The following BRAF variants were observed in gnomAD, a reference collection of about 807,000 sequenced individuals.
BRAF encodes serine/threonine-protein kinase B-raf.
A neutral mutation model predicts 104.6 loss-of-function variants in BRAF; 16 were observed. The observed-to-expected ratio is 0.15, with a 90% CI of 0.10 to 0.23. The LOEUF (loss-of-function observed/expected upper bound fraction) is 0.23, where lower values mean the gene tolerates loss of function less well. Ranked by LOEUF, BRAF falls within the 10% of genes least tolerant of loss-of-function variation. The pLI is 1.00. For synonymous variants in BRAF, 310 were observed against 341.6 expected (o/e 0.91, Z 1.02); for missense variants, 541 against 937.3 (o/e 0.58, Z 5.52).
At chr7:140,854,416 G>GA (rs1338258295) in intron 1 of BRAF, among the ~76,000 whole-genome samples, 5 of 151,968 alleles carry the variant, frequency 3.3e-5, no homozygotes. Flanking sequence ...AATAGGGTAG[G>GA]AAAGAAAACA....
In BRAF at chr7:140,924,318, C is replaced by T. The variant is rs538385194; in HGVS notation, c.138+248G>A. Among the ~76,000 whole-genome samples the T allele has an allele frequency of 1.8e-4, 27 of 152,264 alleles. 3 individuals are homozygous for T. The South Asian group carries it at 3.3e-3, about 19-fold the overall frequency. The stretch of plus-strand genomic sequence containing the variant: ...TATTGATAGCCTCCCGCTCAACCAC[C>T]GCTGCCCCAATCCCCACATCTGGGG... On this transcript the variant is annotated intron_variant, in intron 1 of 19. Transcript: ENST00000644969. This position sits in a 1 kb window ranked among gnomAD's most constrained non-coding sequence, Gnocchi z 4.2.
rs1245760632 is a variant in BRAF, at chr7:140,825,498, A to G, written c.504+9111T>C. Among the ~76,000 whole-genome samples, 3 of 152,340 alleles carry G rather than the reference A, an allele frequency of 2.0e-5. No homozygotes were observed. In the East Asian group the frequency reaches 5.8e-4, roughly 29 times the overall value. ...AGAAATCTTTGCCAAACCCCAGGTC[A>G]CAAAAATTTTCTGTAGTGTTTTCTT... is the stretch of plus-strand genomic sequence containing the variant. On this transcript the variant is annotated intron_variant, in intron 3 of 19. Coordinates refer to ENST00000644969, the MANE Select transcript of BRAF (RefSeq NM_001374258.1).
chr7:140,727,449 G>A (rs1006495307), intron 19 of BRAF, among the ~76,000 whole-genome samples: 1 of 152,022 alleles, frequency 6.6e-6, no homozygotes, highest in Non-Finnish European at 1.5e-5. Flanking sequence ...CTCCCAAAGT[G>A]CTGGGATTAC....
chr7:140,908,989 C>CTTTTTTTTTTTTT (rs1224922004), intron 1 of BRAF, among the ~76,000 whole-genome samples: 6 of 120,182 alleles, frequency 5.0e-5, no homozygotes, highest in Non-Finnish European at 5.5e-5. Context: ...TCTACGTTTT[C>CTTTTTTTTTTTTT]TTTTTTTTTT....
chr7:140,732,170 C>CAAAAAAAAAAA (rs61727494), intron 19 of BRAF: 1 of 23,696 alleles, frequency 4.2e-5, no homozygotes, highest in East Asian at 2.8e-3. Flanking sequence ...GACTCTGTCT[C>CAAAAAAAAAAA]AAAAAAAAAA....
intron 3 of BRAF, among the ~76,000 whole-genome samples, chr7:140,825,197 C>T (rs1337350160): frequency 1.3e-5 from 2 of 151,692 alleles, no homozygotes; most frequent in Non-Finnish European, 2.9e-5. Context: ...CTTGAACTCC[C>T]GACCTCATGA....
Position 140,723,360 on chromosome 7 carries a change from A to G in BRAF, c.*3134T>C. ...TTTATATACTGCTCTTTCTTCTCCA[A>G]CACCAACATAAATATAGCATATATC... On this transcript the variant is annotated 3_prime_UTR_variant, in exon 20 of 20. Transcript: ENST00000644969. 9.5e-7 allele frequency: 1 copy of G among 1,055,486 alleles called. No homozygotes were observed. The highest frequency in any genetic ancestry group is 1.1e-6 in the Non-Finnish European group (1 of 873,300). The allele number at this position is 1,055,486 out of a possible 1,614,324, so 65.4% of individuals were successfully genotyped here.
intron 14 of BRAF, among the ~76,000 whole-genome samples, chr7:140,763,355 C>T (rs1189118445): frequency 2.0e-5 from 3 of 147,754 alleles, no homozygotes; most frequent in South Asian, 4.3e-4. Context: ...CCACCTCCCT[C>T]CCGGACGGGG....
intron 7 of BRAF, among the ~76,000 whole-genome samples, chr7:140,798,695 C>T (rs1802762556): frequency 6.6e-6 from 1 of 151,528 alleles, no homozygotes; most frequent in African/African-American, 2.4e-5. Context: ...TGTCTCACGC[C>T]TGTAATTCTA....
chr7:140,911,080 T>C (rs774769926), intron 1 of BRAF, among the ~76,000 whole-genome samples: 2 of 152,170 alleles, frequency 1.3e-5, no homozygotes, highest in Non-Finnish European at 2.9e-5. Flanking sequence ...AACTGCCATA[T>C]TCTAGGTGAG....
At chr7:140,757,042 T>C (rs146383532) in intron 14 of BRAF, among the ~76,000 whole-genome samples, 103 of 152,302 alleles carry the variant, frequency 6.8e-4, no homozygotes, top group African/African-American at 2.4e-3. Flanking sequence ...ATGGTGGGCA[T>C]ACAACATTAA....
chr7:140,713,990 C>T, the BRAF span, among the ~76,000 whole-genome samples: 1 of 152,116 alleles, frequency 6.6e-6, no homozygotes, highest in African/African-American at 2.4e-5. Flanking sequence ...GAGGAGTACC[C>T]GGCCGTGTGA....
chr7:140,755,438 C>T (rs6464036), intron 14 of BRAF, among the ~76,000 whole-genome samples: 14,809 of 152,106 alleles, frequency 0.097, 782 homozygotes, highest in South Asian at 0.19. Context: ...ATTATTCATG[C>T]TGTCTCATCT....
At chr7:140,797,845 C>T (rs182470316) in intron 7 of BRAF, among the ~76,000 whole-genome samples, 2 of 152,130 alleles carry the variant, frequency 1.3e-5, no homozygotes, top group African/African-American at 4.8e-5. Flanking sequence ...AATTAAAAAC[C>T]AACCAAATAA....
At chr7:140,914,293 G>C (rs1044337906) in intron 1 of BRAF, among the ~76,000 whole-genome samples, 3 of 152,222 alleles carry the variant, frequency 2.0e-5, no homozygotes, top group Non-Finnish European at 4.4e-5. Flanking sequence ...AGGATCAAGA[G>C]ATGCCAGTGA....
At chr7:140,775,813 T>C (rs1364801302) in intron 14 of BRAF, among the ~76,000 whole-genome samples, 5 of 152,346 alleles carry the variant, frequency 3.3e-5, no homozygotes, top group African/African-American at 7.2e-5. Flanking sequence ...ATCTAAATTA[T>C]AGATATATTG....
chr7:140,769,811 G>C (rs1799669295), intron 14 of BRAF, among the ~76,000 whole-genome samples: 1 of 152,146 alleles, frequency 6.6e-6, no homozygotes, highest in Non-Finnish European at 1.5e-5. Context: ...CCGGCCTCAA[G>C]TGATCCTATT....
At chr7:140,730,125 C>T (rs1333481610) in intron 19 of BRAF, among the ~76,000 whole-genome samples, 1 of 151,998 alleles carries the variant, frequency 6.6e-6, no homozygotes, top group Non-Finnish European at 1.5e-5. Context: ...TCTGCTTTCA[C>T]AAAAAGTATC....
intron 14 of BRAF, among the ~76,000 whole-genome samples, chr7:140,764,896 G>A (rs1445094028): frequency 6.6e-6 from 1 of 152,138 alleles, no homozygotes. Context: ...CAGATTCAAT[G>A]CCATCCCCAT....
Sources: gnomAD v4.1 joint callset for allele counts (sites outside exome capture counted in the v4.1 genomes callset) on GRCh38, gnomAD v4.1.1 for gene constraint, Gnocchi (gnomAD v3.1) non-coding constraint, MANE v1.5 for transcripts, NCBI Gene and HGNC (gene_info 2026-07-23, HGNC 2026-07-21) for gene names.